CSRP1: variants seen among roughly 807,000 people sequenced by gnomAD.
CSRP1 encodes cysteine and glycine rich protein 1.
CSRP1 carries 16 observed loss-of-function variants against 25.4 expected under a neutral mutation model. That is an observed-to-expected ratio of 0.63 (90% CI 0.43 to 0.96). The LOEUF is 0.96. Among genes scored for constraint, CSRP1 ranks in the 40% least tolerant of loss-of-function variants. The probability of loss-of-function intolerance (pLI) is 0.00; values close to 1 mark genes in which losing one functional copy is unlikely to be tolerated. For missense variants in CSRP1, 212 were observed against 243.6 expected (o/e 0.87, Z 0.86); for synonymous variants, 97 against 95.3 (o/e 1.02, Z -0.10).
intron 2 of CSRP1, among the ~76,000 whole-genome samples, chr1:201,494,163 G>T (rs759374075): frequency 6.6e-6 from 1 of 151,666 alleles, no homozygotes; most frequent in South Asian, 2.1e-4. Context: ...CTCACACCCT[G>T]CCCCAGGCCC....
chr1:201,502,162 A>G (rs992914096), intron 1 of CSRP1, among the ~76,000 whole-genome samples: 2 of 152,164 alleles, frequency 1.3e-5, no homozygotes, highest in African/African-American at 2.4e-5. Flanking sequence ...TTATTTCTAC[A>G]GTGGAAAAAT....
rs1664064664 is a variant in CSRP1, at chr1:201,484,330, C to T, written c.*383G>A. Reference sequence around the variant, plus strand: ...TCTTGGTCTTGCTTCCCTCTCCCTCCAGCCTGTTGCTGCTGCTCCTCTGGG... The same window carrying T: ...TCTTGGTCTTGCTTCCCTCTCCCTCTAGCCTGTTGCTGCTGCTCCTCTGGG... On this transcript the variant is annotated 3_prime_UTR_variant, in exon 6 of 6. Transcript: ENST00000340006. 4 of 509,130 alleles carry T rather than the reference C, an allele frequency of 7.9e-6. No homozygotes were observed. 31.5% of individuals were successfully genotyped at this position (509,130 alleles called of 1,614,324 possible). A position where few individuals can be genotyped will look rare whatever the true frequency, so the allele number is the denominator to read the frequency against.
At chr1:201,495,906 A>T in intron 2 of CSRP1, 1 of 356,066 alleles carries the variant, frequency 2.8e-6, no homozygotes. Context: ...GAGAGAAGAG[A>T]GAGCTGAGTG....
At position 201,484,625 on chromosome 1, in the gene CSRP1, A is replaced by G. The variant is rs1664072388; in HGVS notation, c.*88T>C. 10 of 1,229,484 alleles carry G rather than the reference A, an allele frequency of 8.1e-6. No individual in the cohort carries two copies. The South Asian group carries it at 1.2e-4, about 15-fold the overall frequency. The allele number at this position is 1,229,484 out of a possible 1,614,324, so 76.2% of individuals were successfully genotyped here. On this transcript the variant is annotated 3_prime_UTR_variant, in exon 6 of 6. Coordinates refer to ENST00000340006, the MANE Select transcript of CSRP1 (RefSeq NM_004078.3). ...TGATATGTGGCAGGGCTGACAGAGA[A>G]ATAATCCTGGAGGTCTCCAAAGCTG... is the stretch of plus-strand genomic sequence containing the variant.
At chr1:201,488,338 C>T (rs1027690929) in intron 4 of CSRP1, 1 of 152,260 alleles carries the variant, frequency 6.6e-6, no homozygotes. Flanking sequence ...AAAAAAGCCT[C>T]CTAGGAGGCT....
chr1:201,484,654 G>C lies in CSRP1; in HGVS notation c.*59C>G, dbSNP rs556309187. ...ATCCTGGAGGTCTCCAAAGCTGCTG[G>C]GAATGGAATGGCGATGAAAAGCGCA... On this transcript the variant is annotated 3_prime_UTR_variant, in exon 6 of 6. Coordinates refer to ENST00000340006, the MANE Select transcript of CSRP1 (RefSeq NM_004078.3). 430 of 1,464,700 alleles carry C rather than the reference G, an allele frequency of 2.9e-4. 2 individuals carry two copies. In the African/African-American group the frequency reaches 5.3e-3, roughly 18 times the overall value. The allele number at this position is 1,464,700 out of a possible 1,614,324, so 90.7% of individuals were successfully genotyped here. A position where few individuals can be genotyped will look rare whatever the true frequency, so the allele number is the denominator to read the frequency against.
chr1:201,487,055 G>T (rs1319898580), intron 4 of CSRP1: 2 of 1,139,618 alleles, frequency 1.8e-6, no homozygotes, highest in African/African-American at 1.6e-5. Flanking sequence ...TAGCAAAACT[G>T]TACTGAGGAC....
chr1:201,500,302 C>T (rs774584253), intron 1 of CSRP1, among the ~76,000 whole-genome samples: 14 of 152,226 alleles, frequency 9.2e-5, no homozygotes, highest in Non-Finnish European at 1.8e-4. Flanking sequence ...TGTTTTGTTA[C>T]AGACACAAAA....
intron 1 of CSRP1, among the ~76,000 whole-genome samples, chr1:201,498,152 G>A (rs564840154): frequency 1.3e-5 from 2 of 152,320 alleles, no homozygotes; most frequent in East Asian, 1.9e-4. Context: ...CAGTGCCCAC[G>A]TGGCCACAGA....
rs951496754 is a variant in CSRP1, at chr1:201,484,762, T to A, written c.533A>T (p.Lys178Met). Reference protein sequence around the residue: ...KGCYAKNFGPKGFGFGQGAGA... With the variant: ...KGCYAKNFGPMGFGFGQGAGA... ...AGCTCCTTGCCCAAAACCAAAGCCCTTGGGCCCGAAGTTTTTAGCATAACA... is the reference window on the plus strand; with the variant it reads ...AGCTCCTTGCCCAAAACCAAAGCCCATGGGCCCGAAGTTTTTAGCATAACA... The change falls in exon 6 of 6, where the codon AAG (lysine) becomes ATG (methionine). Residue 178 changes from lysine (K) to methionine (M), a missense_variant. Physicochemically the swap from Lys to Met is moderately conservative, Grantham distance 95. Coordinates refer to ENST00000340006, the MANE Select transcript of CSRP1 (RefSeq NM_004078.3). 1.9e-6 allele frequency: 3 copies of A among 1,612,068 alleles called. No individual in the cohort carries two copies. In the Admixed American group the frequency reaches 5.0e-5, roughly 27 times the overall value.
intron 1 of CSRP1, among the ~76,000 whole-genome samples, chr1:201,502,437 G>A (rs1020316972): frequency 6.6e-6 from 1 of 152,202 alleles, no homozygotes; most frequent in African/African-American, 2.4e-5. Context: ...GCTGGTCAGG[G>A]CTCAGAGCCA....
intron 1 of CSRP1, among the ~76,000 whole-genome samples, chr1:201,504,823 G>A (rs1188209054): frequency 2.0e-5 from 3 of 151,956 alleles, no homozygotes; most frequent in Non-Finnish European, 2.9e-5. Flanking sequence ...ACCAGGCCGG[G>A]CGCAGTGGCT....
intron 1 of CSRP1, among the ~76,000 whole-genome samples, chr1:201,500,599 ACT>A (rs1471439795): frequency 6.6e-6 from 1 of 152,008 alleles, no homozygotes; most frequent in Admixed American, 6.5e-5. Flanking sequence ...AAAAGTGATG[ACT>A]CTATCCCTAG....
At chr1:201,499,567 G>C (rs1471893384) in intron 1 of CSRP1, among the ~76,000 whole-genome samples, 1 of 152,094 alleles carries the variant, frequency 6.6e-6, no homozygotes, top group African/African-American at 2.4e-5. Flanking sequence ...CACCCACACT[G>C]CCATGGACTG....
At chr1:201,500,488 G>C (rs1664636900) in intron 1 of CSRP1, among the ~76,000 whole-genome samples, 1 of 152,284 alleles carries the variant, frequency 6.6e-6, no homozygotes, top group African/African-American at 2.4e-5. Flanking sequence ...ACGTCTCTTA[G>C]CCAGGCTGCT....
Position 201,490,165 on chromosome 1 carries a change from C to G in CSRP1, c.281+11G>C, listed in dbSNP as rs763133296. Reference sequence around the variant, plus strand: ...CTCAAGAAAAAGGTTGGGAGGGGATCTTTTACTCACTCCTCGTGCTTGATA... The same window carrying G: ...CTCAAGAAAAAGGTTGGGAGGGGATGTTTTACTCACTCCTCGTGCTTGATA... On this transcript the variant is annotated intron_variant, in intron 3 of 5. Transcript: ENST00000340006. 10 of 1,609,652 alleles carry G rather than the reference C, an allele frequency of 6.2e-6. No homozygotes were observed. The African/African-American group carries it at 1.2e-4, about 19-fold the overall frequency.
rs367915083 is a variant in CSRP1, at chr1:201,488,824, C to G, written c.411+31G>C. The stretch of plus-strand genomic sequence containing the variant: ...CCACATTTCAGGAAGATATCTCCCC[C>G]CATCCCTCTCATGCCCAGCAGCCAC... On this transcript the variant is annotated intron_variant, in intron 4 of 5. Transcript: ENST00000340006. 152 of 1,608,486 alleles carry G rather than the reference C, an allele frequency of 9.4e-5. No individual in the cohort carries two copies. In the African/African-American group the frequency reaches 1.9e-3, roughly 20 times the overall value.
Position 201,484,311 on chromosome 1 carries a change from T to C in CSRP1, c.*402A>G. 2 of 508,988 alleles carry C rather than the reference T, an allele frequency of 3.9e-6. No homozygotes were observed. Among genetic ancestry groups the C allele is most frequent in the South Asian group, 3.5e-5 (1 of 28,628 alleles). 31.5% of individuals were successfully genotyped at this position (508,988 alleles called of 1,614,324 possible). A position where few individuals can be genotyped will look rare whatever the true frequency, so the allele number is the denominator to read the frequency against. ...CAGCCTTCCCCCCTCCTCATCTTGGTCTTGCTTCCCTCTCCCTCCAGCCTG... is the reference window on the plus strand; with the variant it reads ...CAGCCTTCCCCCCTCCTCATCTTGGCCTTGCTTCCCTCTCCCTCCAGCCTG... On this transcript the variant is annotated 3_prime_UTR_variant, in exon 6 of 6. Coordinates refer to ENST00000340006, the MANE Select transcript of CSRP1 (RefSeq NM_004078.3).
At chr1:201,490,434 G>T in intron 2 of CSRP1, 90 bp from the exon 3 acceptor site, 1 of 1,348,538 alleles carries the variant, frequency 7.4e-7, no homozygotes, top group Non-Finnish European at 1.0e-6. Flanking sequence ...GAAGCTCTCT[G>T]GCCTCTTTGC....
Sources: gnomAD v4.1 joint callset for allele counts (sites outside exome capture counted in the v4.1 genomes callset) on GRCh38, gnomAD v4.1.1 for gene constraint, MANE v1.5 for transcripts, NCBI Gene and HGNC (gene_info 2026-07-23, HGNC 2026-07-21) for gene names.